MSRA: variants seen among roughly 807,000 people sequenced by gnomAD.
The protein encoded by MSRA is mitochondrial peptide methionine sulfoxide reductase.
A neutral mutation model predicts 31.3 loss-of-function variants in MSRA; 54 were observed. The ratio of observed to expected loss-of-function variants is 1.73; its 90% CI spans 1.39 to 2.17. MSRA has a LOEUF of 2.17. Ranked by LOEUF, MSRA falls within the 30% of genes most tolerant of loss-of-function variation. MSRA has a pLI of 0.00. For synonymous variants in MSRA, 169 were observed against 116.5 expected, an observed-to-expected ratio of 1.45 and a Z score of -2.90; for missense variants, 507 against 300.9, an observed-to-expected ratio of 1.69 and a Z score of -5.07.
chr8:10,259,746 T>C (rs1384086391), intron 3 of MSRA, among the ~76,000 whole-genome samples: 2 of 152,132 alleles, frequency 1.3e-5, no homozygotes, highest in African/African-American at 4.8e-5. Context: ...GGGGAGAGAT[T>C]CAGGGTGCTT....
intron 1 of MSRA, among the ~76,000 whole-genome samples, chr8:10,154,570 G>T (rs34405200): frequency 0.19 from 29,356 of 151,802 alleles, 3,286 homozygotes; most frequent in East Asian, 0.49. Flanking sequence ...GTAGAGACAG[G>T]ATTTCACCGT....
intron 3 of MSRA, among the ~76,000 whole-genome samples, chr8:10,251,879 G>C (rs994308816): frequency 6.6e-6 from 1 of 150,646 alleles, no homozygotes; most frequent in African/African-American, 2.4e-5. Context: ...GGGGGACATA[G>C]GTCATGGGGA....
Position 10,404,904 on chromosome 8 carries a change from C to T in MSRA, c.544-23244C>T, listed in dbSNP as rs533907314. 7.9e-4 allele frequency among the ~76,000 whole-genome samples: 120 copies of T among 152,328 alleles called. 1 individual carries two copies. Among genetic ancestry groups the T allele is most frequent in the South Asian group, 1.0e-3 (5 of 4,826 alleles). ...CTAGTGTGTGTGGTAAGCGGCACAG[C>T]TGTGCACCCACTGCTCCCCACGATG... On this transcript the variant is annotated intron_variant, in intron 5 of 5. Transcript: ENST00000317173.
At chr8:10,301,308 G>A (rs1800830758) in intron 3 of MSRA, among the ~76,000 whole-genome samples, 2 of 152,146 alleles carry the variant, frequency 1.3e-5, no homozygotes, top group African/African-American at 4.8e-5. Context: ...GCACAATGTA[G>A]AAGTCATCGC....
At chr8:10,319,080 T>A (rs1801892544) in intron 4 of MSRA, among the ~76,000 whole-genome samples, 1 of 152,092 alleles carries the variant, frequency 6.6e-6, no homozygotes, top group Admixed American at 6.6e-5. Flanking sequence ...AACCTTGCAT[T>A]TTTTTTAACC....
At chr8:10,279,520 C>G (rs1005748820) in intron 3 of MSRA, among the ~76,000 whole-genome samples, 11 of 152,146 alleles carry the variant, frequency 7.2e-5, no homozygotes, top group Admixed American at 2.0e-4. Flanking sequence ...ACCCCCCACA[C>G]GCCTTCTCTG....
intron 3 of MSRA, among the ~76,000 whole-genome samples, chr8:10,288,429 G>A (rs918476970): frequency 5.3e-5 from 8 of 152,184 alleles, no homozygotes; most frequent in East Asian, 3.8e-4. Flanking sequence ...GTGCTGTGCA[G>A]ATATTCTAAA....
At chr8:10,351,745 G>A (rs1009817691) in intron 5 of MSRA, among the ~76,000 whole-genome samples, 8 of 152,196 alleles carry the variant, frequency 5.3e-5, no homozygotes, top group Admixed American at 5.2e-4. Context: ...ATGAATAGAA[G>A]GCAGTACTTC....
intron 3 of MSRA, among the ~76,000 whole-genome samples, chr8:10,272,672 G>A (rs947417582): frequency 7.2e-5 from 11 of 152,090 alleles, no homozygotes; most frequent in Middle Eastern, 3.4e-3. Context: ...TCTTACTCGC[G>A]CTTTAAGACT....
chr8:10,249,159 C>T (rs1190723212), intron 3 of MSRA, among the ~76,000 whole-genome samples: 4 of 152,200 alleles, frequency 2.6e-5, no homozygotes, highest in African/African-American at 9.7e-5. Context: ...CTGATCCATA[C>T]TCTGTAAAAC....
intron 1 of MSRA, among the ~76,000 whole-genome samples, chr8:10,125,183 T>C (rs1396778775): frequency 6.6e-6 from 1 of 152,164 alleles, no homozygotes; most frequent in Non-Finnish European, 1.5e-5. Context: ...GCCAGGTGCC[T>C]CATTTGGGGA....
chr8:10,119,591 G>A (rs1160527157), intron 1 of MSRA, among the ~76,000 whole-genome samples: 2 of 152,164 alleles, frequency 1.3e-5, no homozygotes, highest in Non-Finnish European at 2.9e-5. Context: ...CTTGCCCTTT[G>A]GGAGAGAAAA....
intron 2 of MSRA, among the ~76,000 whole-genome samples, chr8:10,218,086 A>G (rs1353962966): frequency 4.0e-5 from 6 of 151,880 alleles, no homozygotes; most frequent in Non-Finnish European, 1.5e-5. Flanking sequence ...TGTTTCATTC[A>G]GGAGGCATTT....
At chr8:10,254,130 G>C (rs182263397) in intron 3 of MSRA, among the ~76,000 whole-genome samples, 316 of 152,130 alleles carry the variant, frequency 2.1e-3, no homozygotes, top group Admixed American at 6.4e-3. Context: ...CCTCTGAGGC[G>C]TGGAATTGTG....
chr8:10,313,554 C>G (rs566452192), intron 4 of MSRA, among the ~76,000 whole-genome samples: 3 of 151,906 alleles, frequency 2.0e-5, no homozygotes, highest in Non-Finnish European at 2.9e-5. Flanking sequence ...AATATTGGGT[C>G]TTGTTTATGG....
intron 5 of MSRA, among the ~76,000 whole-genome samples, chr8:10,362,145 C>T (rs1343757623): frequency 6.6e-6 from 1 of 152,118 alleles, no homozygotes; most frequent in Non-Finnish European, 1.5e-5. Flanking sequence ...CAGTTTTCCT[C>T]CTTGTAAAAT....
Position 10,199,781 on chromosome 8 carries a change from C to A in MSRA, c.143-8052C>A, listed in dbSNP as rs76021673. The stretch of plus-strand genomic sequence containing the variant: ...CATCCTTATTTCCTCACTCTTTGGG[C>A]TAAAAATCCTCTCTTAGGATTTTTC... On this transcript the variant is annotated intron_variant, in intron 1 of 5. Transcript: ENST00000317173. Among the ~76,000 whole-genome samples the A allele has an allele frequency of 4.0e-3, 611 of 152,310 alleles. 5 individuals carry two copies. The highest frequency in any genetic ancestry group is 6.6e-3 in the Non-Finnish European group (447 of 68,022).
chr8:10,274,146 G>T (rs1286369266), intron 3 of MSRA, among the ~76,000 whole-genome samples: 1 of 152,212 alleles, frequency 6.6e-6, no homozygotes, highest in Non-Finnish European at 1.5e-5. Flanking sequence ...AGCAGAGAAA[G>T]AAGGGTAGGT....
intron 2 of MSRA, among the ~76,000 whole-genome samples, chr8:10,235,010 T>C (rs1811830316): frequency 6.6e-6 from 1 of 152,126 alleles, no homozygotes; most frequent in Non-Finnish European, 1.5e-5. Context: ...ATCAGATGTC[T>C]CAATTTGCCA....
Sources: gnomAD v4.1 joint callset for allele counts (sites outside exome capture counted in the v4.1 genomes callset) on GRCh38, gnomAD v4.1.1 for gene constraint, MANE v1.5 for transcripts, NCBI Gene and HGNC (gene_info 2026-07-23, HGNC 2026-07-21) for gene names.